Variants in ANKRD28 observed in about 807,000 individuals in gnomAD.
ANKRD28 encodes the protein serine/threonine-protein phosphatase 6 regulatory ankyrin repeat subunit A.
Under a neutral mutation model 126.5 loss-of-function variants are expected in ANKRD28, and 44 were observed. The ratio of observed to expected loss-of-function variants is 0.35; its 90% CI spans 0.27 to 0.45. The LOEUF (loss-of-function observed/expected upper bound fraction) is 0.45. ANKRD28 is among the 20% of genes least tolerant of loss of function. ANKRD28 has a pLI of 1.00. For missense variants in ANKRD28, 1,110 were observed against 1,316.6 expected (o/e 0.84, Z 2.43); for synonymous variants, 442 against 468.5 (o/e 0.94, Z 0.73).
intron 3 of ANKRD28, among the ~76,000 whole-genome samples, chr3:15,759,213 G>C (rs1206418188): frequency 6.6e-6 from 1 of 152,106 alleles, no homozygotes; most frequent in East Asian, 1.9e-4. Flanking sequence ...TTAAGAACAC[G>C]GATTCTGTAG....
intron 3 of ANKRD28, among the ~76,000 whole-genome samples, chr3:15,759,312 T>C (rs2058334127): frequency 6.6e-6 from 1 of 151,478 alleles, no homozygotes; most frequent in Non-Finnish European, 1.5e-5. Flanking sequence ...CTTAGTTTCC[T>C]TATATAATAC....
chr3:15,730,190 T>C (rs1473943817), intron 6 of ANKRD28, among the ~76,000 whole-genome samples: 1 of 152,130 alleles, frequency 6.6e-6, no homozygotes, highest in East Asian at 1.9e-4. Flanking sequence ...ACCTTCTGTG[T>C]CAAAGTCATC....
Position 15,679,489 on chromosome 3 carries a change from A to G in ANKRD28, c.2464T>C (p.Leu822=), listed in dbSNP as rs116976698. The G allele has an allele frequency of 5.0e-5, 80 of 1,613,958 alleles. No homozygotes were observed. The East Asian group carries it at 1.5e-3, about 31-fold the overall frequency. The stretch of plus-strand genomic sequence containing the variant: ...GGCTTTACTTACACGGCACAATGCA[A>G]TGGACTAAAAGCATTTCCTTCCGTT... ...QKTEGNAFSP[L]HCAVINDNEG... Residue 822 remains leucine, a synonymous_variant, in exon 22 of 28, where the codon TTG becomes CTG. Coordinates refer to ENST00000683139, the MANE Select transcript of ANKRD28 (RefSeq NM_001349278.2).
At chr3:15,695,987 G>T in intron 15 of ANKRD28, 147 bp downstream of exon 15, 1 of 633,198 alleles carries the variant, frequency 1.6e-6, no homozygotes, top group South Asian at 1.8e-5. Context: ...TCTTACTAAA[G>T]CAAGTGTGAA....
intron 14 of ANKRD28, among the ~76,000 whole-genome samples, chr3:15,705,692 T>G (rs1171887128): frequency 6.6e-6 from 1 of 152,184 alleles, no homozygotes; most frequent in Admixed American, 6.5e-5. Context: ...AAATACACAT[T>G]ACTATTGCCT....
At chr3:15,809,669 T>G (rs541553484) in intron 1 of ANKRD28, among the ~76,000 whole-genome samples, 1 of 152,320 alleles carries the variant, frequency 6.6e-6, no homozygotes, top group South Asian at 2.1e-4. Context: ...TCTGCTTGCC[T>G]GGCCAGTAAA....
At chr3:15,829,865 TA>T (rs2061151939) in intron 1 of ANKRD28, among the ~76,000 whole-genome samples, 1 of 151,402 alleles carries the variant, frequency 6.6e-6, no homozygotes, top group African/African-American at 2.4e-5. Flanking sequence ...ATATTTTCAA[TA>T]AAAGGTTTGC....
rs1468885229 is a variant in ANKRD28 at position 15,735,407 on chromosome 3, T to C, written c.640+3A>G. On this transcript the variant is annotated splice_donor_region_variant and intron_variant, in intron 6 of 27. Transcript: ENST00000683139. ...TCAAAAACTAAATTTAAAAAGTACA[T>C]ACCCATATATGCTGCCCAATGGATA... 20 of 1,547,474 alleles carry C rather than the reference T, an allele frequency of 1.3e-5. No homozygotes were observed. The highest frequency in any genetic ancestry group is 1.7e-5 in the Non-Finnish European group (20 of 1,144,334).
intron 2 of ANKRD28, among the ~76,000 whole-genome samples, chr3:15,768,075 G>C (rs1282537512): frequency 6.6e-6 from 1 of 152,028 alleles, no homozygotes; most frequent in Non-Finnish European, 1.5e-5. Flanking sequence ...CTACAGAAAA[G>C]AGCTGCCTTA....
At chr3:15,710,777 A>G (rs2072161276) in intron 12 of ANKRD28, among the ~76,000 whole-genome samples, 1 of 152,066 alleles carries the variant, frequency 6.6e-6, no homozygotes, top group Admixed American at 6.6e-5. Context: ...TCCAATCTCA[A>G]ACTTTCCTCT....
chr3:15,706,291 C>T (rs1295479130), intron 14 of ANKRD28, among the ~76,000 whole-genome samples: 3 of 151,824 alleles, frequency 2.0e-5, no homozygotes, highest in Admixed American at 6.6e-5. Flanking sequence ...CTTCCTGTGT[C>T]CAAGTGTTCT....
intron 4 of ANKRD28, among the ~76,000 whole-genome samples, chr3:15,741,311 A>C (rs931092506): frequency 6.6e-6 from 1 of 152,180 alleles, no homozygotes; most frequent in Non-Finnish European, 1.5e-5. Flanking sequence ...AAAAAAGAAG[A>C]GGTGAATTTC....
intron 23 of ANKRD28, among the ~76,000 whole-genome samples, chr3:15,678,713 GA>G (rs1258960727): frequency 1.3e-5 from 2 of 152,030 alleles, no homozygotes; most frequent in African/African-American, 4.8e-5. Flanking sequence ...TTCCCATTTA[GA>G]AAACTGTTAA....
chr3:15,757,628 T>C (rs1272418136), intron 3 of ANKRD28, among the ~76,000 whole-genome samples: 4 of 152,166 alleles, frequency 2.6e-5, no homozygotes, highest in African/African-American at 7.2e-5. Context: ...TCCCTCACCC[T>C]TTCCACCATA....
intron 3 of ANKRD28, among the ~76,000 whole-genome samples, chr3:15,758,009 T>C (rs1388974193): frequency 3.3e-5 from 5 of 152,202 alleles, no homozygotes; most frequent in African/African-American, 1.2e-4. Context: ...AACTAGTATC[T>C]GGCCCTTTAC....
At position 15,814,479 on chromosome 3, in the gene ANKRD28, G is replaced by GA. The variant is rs558795102; in HGVS notation, c.28-19174dup. On this transcript the variant is annotated intron_variant, in intron 1 of 27. Coordinates refer to the ANKRD28 transcript ENST00000399451. The surrounding 1 kb of genome is among the most constrained non-coding windows in gnomAD (Gnocchi z 4.7). ...GAATTTACTTTTATCCTTCTATCAA[G>GA]AAAAAAAATACTAATCTGGGCAACA... Among the ~76,000 whole-genome samples, 3 of 151,528 alleles carry GA rather than the reference G, an allele frequency of 2.0e-5. No homozygotes were observed. The highest frequency in any genetic ancestry group is 4.4e-5 in the Non-Finnish European group (3 of 67,826).
intron 18 of ANKRD28, 157 bp downstream of exon 18, chr3:15,689,862 A>C: frequency 1.5e-6 from 1 of 651,032 alleles, no homozygotes; most frequent in South Asian, 2.2e-5. Flanking sequence ...ATTTGTGTGA[A>C]TAAAGTTATT....
At chr3:15,746,526 T>C (rs1186023165) in intron 4 of ANKRD28, among the ~76,000 whole-genome samples, 1 of 152,240 alleles carries the variant, frequency 6.6e-6, no homozygotes, top group Non-Finnish European at 1.5e-5. Context: ...GACTTAGGTA[T>C]GTTAATAACA....
intron 3 of ANKRD28, among the ~76,000 whole-genome samples, chr3:15,759,125 A>G (rs2058323772): frequency 6.6e-6 from 1 of 152,210 alleles, no homozygotes; most frequent in African/African-American, 2.4e-5. Flanking sequence ...AATTTTACTA[A>G]AAGCTAAATA....
Sources: allele counts gnomAD v4.1 joint callset (sites outside exome capture counted in the v4.1 genomes callset), GRCh38; gene constraint gnomAD v4.1.1; non-coding constraint Gnocchi (gnomAD v3.1); transcripts MANE v1.5; gene names NCBI Gene and HGNC (gene_info 2026-07-23, HGNC 2026-07-21).